HMCN1: variants seen among roughly 807,000 people sequenced by gnomAD.
The protein encoded by HMCN1 is hemicentin 1, also known as hemicentin-1.
HMCN1 carries 321 observed loss-of-function variants against 625.9 expected under a neutral mutation model. That is an observed-to-expected ratio of 0.51 (90% confidence interval 0.47 to 0.56). The LOEUF is 0.56. Ranked by LOEUF, HMCN1 falls within the 20% of genes least tolerant of loss-of-function variation. HMCN1 has a pLI of 0.00. For synonymous variants in HMCN1, 2,425 were observed against 2,417.6 expected (o/e 1.00, Z -0.09); for missense variants, 6,588 against 6,887.3 (o/e 0.96, Z 1.54).
intron 16 of HMCN1, among the ~76,000 whole-genome samples, chr1:185,978,318 T>C (rs1206149965): frequency 1.3e-5 from 2 of 152,176 alleles, no homozygotes; most frequent in Non-Finnish European, 2.9e-5. Context: ...AATTGTTGTA[T>C]AGAAAGATAA....
At chr1:186,091,047 GA>G (rs907494895) in intron 64 of HMCN1, 130 bp downstream of exon 64, 15 of 1,117,730 alleles carry the variant, frequency 1.3e-5, no homozygotes, top group Non-Finnish European at 1.8e-5. Context: ...TATTCACAAA[GA>G]AACAAAAAAC....
chr1:185,915,270 C>T (rs914611916), intron 6 of HMCN1, among the ~76,000 whole-genome samples: 10 of 152,074 alleles, frequency 6.6e-5, no homozygotes, highest in African/African-American at 2.2e-4. Flanking sequence ...CCTAAATTTC[C>T]ATTTGTAGGA....
chr1:186,073,745 G>A (rs1398398121), intron 52 of HMCN1, among the ~76,000 whole-genome samples: 2 of 151,834 alleles, frequency 1.3e-5, no homozygotes, highest in South Asian at 2.1e-4. Context: ...CTGAGTGGCA[G>A]TGAAAATATT....
intron 72 of HMCN1, among the ~76,000 whole-genome samples, chr1:186,113,214 A>T (rs1257559713): frequency 6.6e-6 from 1 of 152,250 alleles, no homozygotes; most frequent in Non-Finnish European, 1.5e-5. Context: ...TCTGTCATTC[A>T]GAATCAGAAC....
intron 2 of HMCN1, among the ~76,000 whole-genome samples, chr1:185,847,385 C>T (rs567604312): frequency 2.0e-5 from 3 of 152,144 alleles, no homozygotes; most frequent in Non-Finnish European, 4.4e-5. Flanking sequence ...ATCTTCCTTT[C>T]TTCTCAATGA....
intron 30 of HMCN1, among the ~76,000 whole-genome samples, chr1:186,009,288 C>A (rs1017056256): frequency 2.6e-5 from 4 of 152,090 alleles, no homozygotes; most frequent in African/African-American, 9.7e-5. Flanking sequence ...CTGTATGATG[C>A]CCCCAGGCAC....
chr1:186,165,716 T>C (rs1651833097), intron 98 of HMCN1, among the ~76,000 whole-genome samples: 1 of 152,214 alleles, frequency 6.6e-6, no homozygotes, highest in Non-Finnish European at 1.5e-5. Flanking sequence ...GTAGGCAATG[T>C]AATATAGTCT....
intron 1 of HMCN1, among the ~76,000 whole-genome samples, chr1:185,759,572 T>G (rs1329111598): frequency 6.6e-6 from 1 of 152,246 alleles, no homozygotes; most frequent in Non-Finnish European, 1.5e-5. Context: ...ATGTGCTTAT[T>G]GCAAATGCTT....
chr1:185,937,733 T>C (rs1667881438), intron 11 of HMCN1, among the ~76,000 whole-genome samples: 1 of 151,794 alleles, frequency 6.6e-6, no homozygotes, highest in Admixed American at 6.6e-5. Flanking sequence ...TACCAAAAAT[T>C]AGCCAGGCTT....
intron 83 of HMCN1, 85 bp downstream of exon 83, chr1:186,128,376 T>G: frequency 8.9e-7 from 1 of 1,122,236 alleles, no homozygotes; most frequent in Non-Finnish European, 1.3e-6. Flanking sequence ...CTGTGAAAAT[T>G]GAAAAGTAAC....
chr1:186,185,132 A>G (rs145710076), intron 105 of HMCN1, among the ~76,000 whole-genome samples: 112 of 152,270 alleles, frequency 7.4e-4, no homozygotes, highest in African/African-American at 2.0e-3. Flanking sequence ...ATTCATATTT[A>G]CCCAATGAAA....
At chr1:185,908,022 G>A (rs1255740367) in intron 4 of HMCN1, among the ~76,000 whole-genome samples, 5 of 151,504 alleles carry the variant, frequency 3.3e-5, no homozygotes, top group African/African-American at 9.7e-5. Context: ...ACTGGAGCAA[G>A]GACAGGAATT....
chr1:186,162,825 T>G (rs1651597347), intron 97 of HMCN1, among the ~76,000 whole-genome samples: 1 of 152,174 alleles, frequency 6.6e-6, no homozygotes, highest in African/African-American at 2.4e-5. Context: ...CTGCCCCTAC[T>G]GGGGGGTGCC....
At chr1:185,774,325 G>A (rs1463005881) in intron 1 of HMCN1, among the ~76,000 whole-genome samples, 1 of 152,040 alleles carries the variant, frequency 6.6e-6, no homozygotes, top group East Asian at 1.9e-4. Flanking sequence ...ACTTAAGAAG[G>A]GTATAACTTT....
At chr1:186,189,088 G>A (rs1375431589) in intron 106 of HMCN1, among the ~76,000 whole-genome samples, 1 of 152,126 alleles carries the variant, frequency 6.6e-6, no homozygotes, top group East Asian at 1.9e-4. Context: ...TAGAAAAAAT[G>A]TCAATATATT....
At chr1:185,808,105 G>A (rs542760273) in intron 1 of HMCN1, among the ~76,000 whole-genome samples, 69 of 152,208 alleles carry the variant, frequency 4.5e-4, no homozygotes, top group African/African-American at 1.6e-3. Context: ...CAGCACTTTG[G>A]GAGGCGAAGG....
At chr1:185,844,830 T>C (rs969386052) in intron 1 of HMCN1, among the ~76,000 whole-genome samples, 1 of 152,212 alleles carries the variant, frequency 6.6e-6, no homozygotes, top group Admixed American at 6.5e-5. Context: ...AGAGTTGATT[T>C]ATTTTTTAAA....
At chr1:185,999,750 C>A (rs1265399854) in intron 25 of HMCN1, among the ~76,000 whole-genome samples, 1 of 152,090 alleles carries the variant, frequency 6.6e-6, no homozygotes, top group South Asian at 2.1e-4. Context: ...GCCCTGCCAA[C>A]AAATCACTGT....
chr1:186,138,903 T>C (rs1411129645), intron 89 of HMCN1, among the ~76,000 whole-genome samples: 1 of 152,210 alleles, frequency 6.6e-6, no homozygotes, highest in Non-Finnish European at 1.5e-5. Context: ...TATTCATTCA[T>C]TCATCCAACA....
Sources: gnomAD v4.1 joint callset for allele counts (sites outside exome capture counted in the v4.1 genomes callset) on GRCh38, gnomAD v4.1.1 for gene constraint, MANE v1.5 for transcripts, NCBI Gene and HGNC (gene_info 2026-07-23, HGNC 2026-07-21) for gene names.